NCALD: variants seen among roughly 807,000 people sequenced by gnomAD.
The protein encoded by NCALD is neurocalcin delta.
NCALD carries 10 observed loss-of-function variants against 18.6 expected under a neutral mutation model. The observed-to-expected ratio is 0.54, with a 90% CI of 0.33 to 0.91. The LOEUF (loss-of-function observed/expected upper bound fraction) is 0.91, where lower values mean the gene tolerates loss of function less well. NCALD is among the 40% of genes least tolerant of loss of function. The probability of loss-of-function intolerance (pLI) is 0.03; values close to 1 mark genes in which losing one functional copy is unlikely to be tolerated. For synonymous variants in NCALD, 88 were observed against 87.4 expected (o/e 1.01, Z -0.04); for missense variants, 184 against 247.6 (o/e 0.74, Z 1.72).
chr8:101,875,611 C>T (rs1816198702), intron 4 of NCALD, among the ~76,000 whole-genome samples: 3 of 152,166 alleles, frequency 2.0e-5, no homozygotes, highest in Non-Finnish European at 4.4e-5. Context: ...CAGCATGGAG[C>T]AATTTTTCAA....
chr8:102,065,833 T>A (rs1317152665), intron 1 of NCALD, among the ~76,000 whole-genome samples: 1 of 152,092 alleles, frequency 6.6e-6, no homozygotes, highest in Non-Finnish European at 1.5e-5. Flanking sequence ...AATAAAGTAA[T>A]AAATAAATAA....
intron 4 of NCALD, among the ~76,000 whole-genome samples, chr8:101,861,426 C>T (rs1393697592): frequency 6.6e-6 from 1 of 151,638 alleles, no homozygotes; most frequent in African/African-American, 2.4e-5. Flanking sequence ...TACAGAACTG[C>T]TAAAAACATG....
At chr8:101,904,013 G>C (rs939961738) in intron 3 of NCALD, among the ~76,000 whole-genome samples, 1 of 152,170 alleles carries the variant, frequency 6.6e-6, no homozygotes, top group Non-Finnish European at 1.5e-5. Flanking sequence ...TGTAGGACTA[G>C]GGATGAGCAT....
intron 3 of NCALD, among the ~76,000 whole-genome samples, chr8:101,910,576 G>A (rs1157826476): frequency 6.6e-6 from 1 of 152,148 alleles, no homozygotes; most frequent in Non-Finnish European, 1.5e-5. Context: ...AGGATGTTAG[G>A]ATGATCTAGA....
At chr8:102,022,359 T>A (rs1399070819) in intron 1 of NCALD, among the ~76,000 whole-genome samples, 1 of 152,224 alleles carries the variant, frequency 6.6e-6, no homozygotes, top group Non-Finnish European at 1.5e-5. Flanking sequence ...GAGATTTATG[T>A]TTATTCCAAA....
At chr8:101,803,501 T>C (rs555461930) in intron 4 of NCALD, among the ~76,000 whole-genome samples, 8 of 152,332 alleles carry the variant, frequency 5.3e-5, no homozygotes, top group African/African-American at 1.7e-4. Flanking sequence ...CAAGTCTTAT[T>C]ATTTAAGAAG....
intron 4 of NCALD, among the ~76,000 whole-genome samples, chr8:101,811,310 T>G (rs1344836043): frequency 6.6e-6 from 1 of 152,172 alleles, no homozygotes; most frequent in Non-Finnish European, 1.5e-5. Context: ...CTTGGACCAC[T>G]GCAGTTGGCT....
At chr8:102,093,886 C>T (rs1825007546) in intron 1 of NCALD, among the ~76,000 whole-genome samples, 2 of 152,198 alleles carry the variant, frequency 1.3e-5, no homozygotes, top group Non-Finnish European at 2.9e-5. Flanking sequence ...AAGAAACAAA[C>T]TCTGCCCTTA....
intron 1 of NCALD, among the ~76,000 whole-genome samples, chr8:101,724,372 G>T (rs926948856): frequency 6.6e-6 from 1 of 152,182 alleles, no homozygotes; most frequent in African/African-American, 2.4e-5. Context: ...ACTATGACAC[G>T]TTGGCCTCCT....
At chr8:101,866,698 T>C (rs765247530) in intron 4 of NCALD, among the ~76,000 whole-genome samples, 8 of 152,164 alleles carry the variant, frequency 5.3e-5, no homozygotes, top group Non-Finnish European at 1.2e-4. Flanking sequence ...ATATGAACTA[T>C]CAAAACTGAT....
rs372379040 is a variant in NCALD at position 101,802,849 on chromosome 8, G to A, written c.-19-83201C>T. On this transcript the variant is annotated intron_variant, in intron 4 of 6. Coordinates refer to the NCALD transcript ENST00000311028. ...GCAACCCGCTCGGGTCCCCTTCCACGCTGTGGAAGCTTTGTTCTTTCGTTC... is the reference window on the plus strand; with the variant it reads ...GCAACCCGCTCGGGTCCCCTTCCACACTGTGGAAGCTTTGTTCTTTCGTTC... Among the ~76,000 whole-genome samples the A allele has an allele frequency of 3.9e-4, 56 of 141,916 alleles. No individual in the cohort carries two copies. The East Asian group carries it at 7.0e-3, about 18-fold the overall frequency. The allele number at this position is 141,916 out of a possible 152,430, so 93.1% of individuals were successfully genotyped here.
intron 4 of NCALD, among the ~76,000 whole-genome samples, chr8:101,819,940 A>T (rs1229241973): frequency 6.6e-6 from 1 of 152,212 alleles, no homozygotes; most frequent in Admixed American, 6.5e-5. Flanking sequence ...CCTGTGGATG[A>T]AACAGTGCCT....
chr8:102,048,512 G>A (rs1003501874), intron 1 of NCALD, among the ~76,000 whole-genome samples: 3 of 152,142 alleles, frequency 2.0e-5, no homozygotes, highest in African/African-American at 7.2e-5. Flanking sequence ...AGCAGAACAG[G>A]AGAAGAGTAA....
intron 1 of NCALD, among the ~76,000 whole-genome samples, chr8:102,099,067 G>A (rs1825191144): frequency 6.6e-6 from 1 of 152,206 alleles, no homozygotes; most frequent in South Asian, 2.1e-4. Flanking sequence ...AAGCAGAGAT[G>A]GGAGGTAGAA....
chr8:101,977,553 G>A (rs778209643), intron 2 of NCALD, among the ~76,000 whole-genome samples: 2 of 152,144 alleles, frequency 1.3e-5, no homozygotes, highest in African/African-American at 4.8e-5. Context: ...TATTAACATG[G>A]GGCTTGGCCC....
chr8:101,744,432 T>G (rs1453387591), intron 1 of NCALD, among the ~76,000 whole-genome samples: 1 of 152,222 alleles, frequency 6.6e-6, no homozygotes, highest in Non-Finnish European at 1.5e-5. Context: ...TGGGTGATTA[T>G]CATAGTCAAA....
intron 4 of NCALD, among the ~76,000 whole-genome samples, chr8:101,852,031 T>C (rs1423553821): frequency 6.6e-6 from 1 of 152,090 alleles, no homozygotes; most frequent in East Asian, 1.9e-4. Context: ...GAGGATGCAG[T>C]GAGAATGAAG....
intron 3 of NCALD, among the ~76,000 whole-genome samples, chr8:101,904,121 G>A (rs1817530799): frequency 6.6e-6 from 1 of 152,130 alleles, no homozygotes; most frequent in Admixed American, 6.5e-5. Flanking sequence ...TCCCTTCCCT[G>A]GTGAGTAATT....
intron 4 of NCALD, among the ~76,000 whole-genome samples, chr8:101,864,512 A>G (rs1264749153): frequency 1.3e-5 from 2 of 152,146 alleles, no homozygotes; most frequent in Non-Finnish European, 2.9e-5. Context: ...ACAAAACAAC[A>G]AACAGGATCT....
Sources: allele counts gnomAD v4.1 joint callset (sites outside exome capture counted in the v4.1 genomes callset), GRCh38; gene constraint gnomAD v4.1.1; transcripts MANE v1.5; gene names NCBI Gene and HGNC (gene_info 2026-07-23, HGNC 2026-07-21).